Variants in FN1 observed in about 807,000 individuals in gnomAD.
The protein encoded by FN1 is fibronectin 1, also known as fibronectin.
FN1 carries 106 observed loss-of-function variants against 297.3 expected under a neutral mutation model. The observed-to-expected ratio is 0.36, with a 90% CI of 0.30 to 0.42. The LOEUF (loss-of-function observed/expected upper bound fraction) is 0.42, where lower values mean the gene tolerates loss of function less well. Ranked by LOEUF, FN1 falls within the 10% of genes least tolerant of loss-of-function variation. The pLI is 1.00. For synonymous variants in FN1, 1,149 were observed against 1,152.6 expected (o/e 1.00, Z 0.06); for missense variants, 2,690 against 3,124.9 (o/e 0.86, Z 3.32).
chr2:215,382,079 C>A, intron 32 of FN1, 133 bp downstream of exon 32: 1 of 690,130 alleles, frequency 1.4e-6, no homozygotes. Flanking sequence ...TCGTAAAGGG[C>A]TCAGCTCAAG....
intron 26 of FN1, among the ~76,000 whole-genome samples, chr2:215,389,556 G>A (rs1430644766): frequency 2.0e-5 from 3 of 152,242 alleles, no homozygotes; most frequent in Non-Finnish European, 2.9e-5. Context: ...GGGAGGCCGA[G>A]GAGGGTGGAT....
At chr2:215,376,934 G>A (rs1234774812) in intron 35 of FN1, among the ~76,000 whole-genome samples, 2 of 151,924 alleles carry the variant, frequency 1.3e-5, no homozygotes, top group South Asian at 2.1e-4. Flanking sequence ...CCCAGGGCTG[G>A]CTTTATAGTA....
At position 215,370,281 on chromosome 2, in the gene FN1, C is replaced by T. The variant is rs200636538; in HGVS notation, c.6853+13G>A. 3.2e-4 allele frequency: 524 copies of T among 1,613,506 alleles called. No homozygotes were observed. Among genetic ancestry groups the T allele is most frequent in the Non-Finnish European group, 4.1e-4 (481 of 1,179,696 alleles). ...GAGGGGAGCCTGTGTCTAAATAGTA[C>T]GTGTTTACATACCAGAGTTGCCCAC... On this transcript the variant is annotated intron_variant, in intron 41 of 45. Transcript: ENST00000354785.
Position 215,376,560 on chromosome 2 carries a change from G to A in FN1, c.5825C>T (p.Ala1942Val). The A allele has an allele frequency of 6.2e-7, 1 of 1,614,008 alleles. No individual in the cohort carries two copies. Among genetic ancestry groups the A allele is most frequent in the Non-Finnish European group, 8.5e-7 (1 of 1,179,968 alleles). ...TCTCTGGATTGGAGTCTGGCCATTG[G>A]CTGGAACGGCATCAACTTGGAAGCC... ...ITGFQVDAVPANGQTPIQRTI... is the reference protein window; with the variant it reads ...ITGFQVDAVPVNGQTPIQRTI... Residue 1942 changes from alanine (A) to valine (V), a missense_variant, in exon 36 of 46, where the codon GCC becomes GTC. Physicochemically the swap from Ala to Val is moderately conservative, Grantham distance 64. Transcript: ENST00000354785.
intron 23 of FN1, 49 bp from the exon 24 acceptor site, chr2:215,394,768 A>G: frequency 6.9e-7 from 1 of 1,458,334 alleles, no homozygotes; most frequent in Non-Finnish European, 9.6e-7. Flanking sequence ...TCTGTGAGCC[A>G]GAGCATATTT....
intron 24 of FN1, 92 bp from the exon 25 acceptor site, chr2:215,393,295 A>G (rs1416421839): frequency 1.0e-5 from 13 of 1,268,804 alleles, no homozygotes; most frequent in Non-Finnish European, 1.4e-5. Flanking sequence ...TCAGGTTACT[A>G]GTAGTAAAAT....
At chr2:215,400,278 TAAAC>T (rs1171299633) in intron 20 of FN1, among the ~76,000 whole-genome samples, 1 of 152,144 alleles carries the variant, frequency 6.6e-6, no homozygotes, top group Admixed American at 6.5e-5. Context: ...ATATAAAAGT[TAAAC>T]AAAATCTGCC....
At chr2:215,428,156 G>T (rs774529087) in intron 6 of FN1, 24 bp downstream of exon 6, 2 of 1,612,982 alleles carry the variant, frequency 1.2e-6, no homozygotes, top group African/African-American at 2.7e-5. Flanking sequence ...CCCATTTCCC[G>T]CCCCTGCTCG....
chr2:215,363,926 C>T (rs1188128442), intron 44 of FN1, among the ~76,000 whole-genome samples: 1 of 152,162 alleles, frequency 6.6e-6, no homozygotes, highest in African/African-American at 2.4e-5. Flanking sequence ...ATTTTCTTAC[C>T]AGAAGACAGC....
intron 15 of FN1, among the ~76,000 whole-genome samples, chr2:215,409,326 G>A (rs1346633503): frequency 6.6e-6 from 1 of 152,114 alleles, no homozygotes; most frequent in African/African-American, 2.4e-5. Flanking sequence ...ACAGGTAGGC[G>A]CATGATGCAG....
At chr2:215,376,020 T>C (rs1167042593) in intron 36 of FN1, among the ~76,000 whole-genome samples, 1 of 152,182 alleles carries the variant, frequency 6.6e-6, no homozygotes, top group African/African-American at 2.4e-5. Context: ...ATTGAGGTTT[T>C]CTCTTTACCG....
intron 31 of FN1, 98 bp from the exon 32 acceptor site, chr2:215,382,423 G>A (rs2058344994): frequency 2.6e-6 from 2 of 757,488 alleles, no homozygotes; most frequent in Admixed American, 2.0e-5. Context: ...TGGTGGCCTA[G>A]AATTTTTATT....
Position 215,397,712 on chromosome 2 carries a change from C to G in FN1, c.3485G>C (p.Arg1162Thr). Residue 1162 changes from arginine (R) to threonine (T), a missense_variant, in exon 22 of 46, where the codon AGA becomes ACA. Around this residue, in one of 3 missense-constraint regions of FN1, gnomAD observed 1,743 missense variants for 1,945.2 expected, o/e 0.90. Transcript: ENST00000354785. ...CACTTTGTTTACAATTGGCGCATCT[C>G]TTTCCTGTCCATCTCTCAGGACTTG... Reference protein sequence around the residue: ...TIQVLRDGQERDAPIVNKVVT... With the variant: ...TIQVLRDGQETDAPIVNKVVT... The G allele has an allele frequency of 6.2e-7, 1 of 1,614,184 alleles. No homozygotes were observed. The highest frequency in any genetic ancestry group is 8.5e-7 in the Non-Finnish European group (1 of 1,179,994).
chr2:215,375,237 C>G lies in FN1; in HGVS notation c.6134G>C (p.Gly2045Ala), dbSNP rs759018096. ...PREVVPRPRPGVTEATITGLE... is the reference protein window; with the variant it reads ...PREVVPRPRPAVTEATITGLE... ...ACCAGTAATAGTAGCCTCTGTGACA[C>G]CAGGGCGGGGCCGAGGGACCACTTC... Residue 2045 changes from glycine to alanine, a missense_variant, in exon 38 of 46, where the codon GGT (glycine) becomes GCT (alanine). Transcript: ENST00000354785. 1.2e-6 allele frequency: 2 copies of G among 1,614,096 alleles called. No individual in the cohort carries two copies. The highest frequency in any genetic ancestry group is 1.7e-6 in the Non-Finnish European group (2 of 1,180,012).
Position 215,380,874 on chromosome 2 carries a change from CTG to C in FN1, c.5369_5370del (p.Thr1790SerfsTer9), listed in dbSNP as rs771111687. The part of the protein sequence containing the change: ...LQGLRPGSEY[T>X]VSVVALHDDM... ...TCATCGTGCAAGGCAACCACACTGACTGTGTACTCAGAACCCGGTCTGAGGCC... is the reference window on the plus strand; with the variant it reads ...TCATCGTGCAAGGCAACCACACTGACTGTACTCAGAACCCGGTCTGAGGCC... On this transcript the variant is annotated frameshift_variant, in exon 33 of 46. Coordinates refer to ENST00000354785, the MANE Select transcript of FN1 (RefSeq NM_212482.4). LOFTEE classifies it high-confidence loss of function. 4 of 1,614,164 alleles carry C rather than the reference CTG, an allele frequency of 2.5e-6. No homozygotes were observed. In the Admixed American group the frequency reaches 6.7e-5, roughly 27 times the overall value.
At chr2:215,397,520 C>G (rs1374344799) in intron 22 of FN1, among the ~76,000 whole-genome samples, 160 bp downstream of exon 22, 2 of 152,058 alleles carry the variant, frequency 1.3e-5, no homozygotes, top group Non-Finnish European at 2.9e-5. Flanking sequence ...ATGAATTGAA[C>G]CTGCTACTCC....
intron 16 of FN1, 42 bp downstream of exon 16, chr2:215,408,256 T>C (rs367802843): frequency 1.1e-5 from 18 of 1,613,834 alleles, no homozygotes; most frequent in Non-Finnish European, 1.5e-5. Flanking sequence ...GCCTGTGTTT[T>C]ACAGAAAAAG....
At chr2:215,398,361 T>C (rs2060565507) in intron 21 of FN1, among the ~76,000 whole-genome samples, 1 of 152,226 alleles carries the variant, frequency 6.6e-6, no homozygotes, top group Admixed American at 6.5e-5. Context: ...AAGAGAAGAA[T>C]TAGAATAACT....
chr2:215,430,975 G>C, intron 4 of FN1, 123 bp from the exon 5 acceptor site: 1 of 958,106 alleles, frequency 1.0e-6, no homozygotes, highest in Non-Finnish European at 1.6e-6. Context: ...GTGGCACTCT[G>C]TTCAGAAAGA....
Sources: gnomAD v4.1 joint callset for allele counts (sites outside exome capture counted in the v4.1 genomes callset) on GRCh38, gnomAD v4.1.1 for gene constraint, gnomAD v4.1.1 regional missense constraint, MANE v1.5 for transcripts, NCBI Gene and HGNC (gene_info 2026-07-23, HGNC 2026-07-21) for gene names.